CAMTA1: variants seen among roughly 807,000 people sequenced by gnomAD.
CAMTA1 encodes calmodulin-binding transcription activator 1.
CAMTA1 carries 27 observed loss-of-function variants against 170.9 expected under a neutral mutation model. That is an observed-to-expected ratio of 0.16 (90% CI 0.12 to 0.22). CAMTA1 has a LOEUF of 0.22. CAMTA1 is among the 10% of genes least tolerant of loss of function. The pLI, the probability that CAMTA1 is intolerant of heterozygous loss-of-function variation, is 1.00. For missense variants in CAMTA1, 1,619 were observed against 2,217.2 expected, an observed-to-expected ratio of 0.73 and a Z score of 5.42; for synonymous variants, 833 against 891.5, an observed-to-expected ratio of 0.93 and a Z score of 1.17.
At chr1:7,493,144 GCA>G (rs1302361451) in intron 6 of CAMTA1, among the ~76,000 whole-genome samples, 2 of 102,468 alleles carry the variant, frequency 2.0e-5, no homozygotes, top group Non-Finnish European at 3.7e-5. Flanking sequence ...ACAAACGTGA[GCA>G]CACAACACAA....
chr1:7,076,744 A>G (rs2147979566), intron 3 of CAMTA1, among the ~76,000 whole-genome samples: 1 of 152,310 alleles, frequency 6.6e-6, no homozygotes, highest in East Asian at 1.9e-4. Context: ...GTGGCAACAT[A>G]GCAGCGGGTC....
At chr1:7,672,618 C>T (rs2096070244) in intron 10 of CAMTA1, among the ~76,000 whole-genome samples, 1 of 152,076 alleles carries the variant, frequency 6.6e-6, no homozygotes, top group Non-Finnish European at 1.5e-5. Flanking sequence ...GATGGAGTTT[C>T]ACCATGTTGG....
intron 1 of CAMTA1, among the ~76,000 whole-genome samples, chr1:6,796,132 CTTTTTTTTT>C (rs978363793): frequency 4.2e-5 from 3 of 70,948 alleles, no homozygotes; most frequent in African/African-American, 5.9e-5. Flanking sequence ...AATAGCATTT[CTTTTTTTTT>C]TTTTTTTTTT....
chr1:7,736,387 G>T lies in CAMTA1; in HGVS notation c.3110G>T (p.Arg1037Leu), dbSNP rs762417443. Residue 1037 changes from arginine (R) to leucine (L), a missense_variant, in exon 13 of 23, where the codon CGT becomes CTT. Transcript: ENST00000303635. This position sits in a 1 kb window ranked among gnomAD's most constrained non-coding sequence, Gnocchi z 4.5. ...TGALGSCFES[R>L]VVVVCEKMMS... ...GCCTTGGGGAGCTGCTTTGAGAGCC[G>T]TGTGGTCGTGGTATGCGAGAAGATG... The T allele has an allele frequency of 6.2e-7, 1 of 1,614,114 alleles. No individual in the cohort carries two copies. The highest frequency in any genetic ancestry group is 1.7e-5 in the Admixed American group (1 of 60,014).
intron 3 of CAMTA1, among the ~76,000 whole-genome samples, chr1:6,919,586 C>A (rs923588295): frequency 1.2e-4 from 18 of 151,432 alleles, no homozygotes; most frequent in African/African-American, 4.1e-4. Context: ...ATGATGAAGA[C>A]CAGTCAAATT....
rs1347412442 is a variant in CAMTA1 at position 7,300,488 on chromosome 1, C to T, written c.438+50862C>T. ...GGTCAGGAGTTCGAGACCAGCCTGG[C>T]CAACATGGTGAAACCCCGTCTCTAC... On this transcript the variant is annotated intron_variant, in intron 5 of 22. Coordinates refer to ENST00000303635, the MANE Select transcript of CAMTA1 (RefSeq NM_015215.4). This position sits in a 1 kb window ranked among gnomAD's most constrained non-coding sequence, Gnocchi z 4.1. Among the ~76,000 whole-genome samples, 1 of 152,138 alleles carries T rather than the reference C, an allele frequency of 6.6e-6. No homozygotes were observed. The highest frequency in any genetic ancestry group is 6.5e-5 in the Admixed American group (1 of 15,276).
intron 4 of CAMTA1, among the ~76,000 whole-genome samples, chr1:7,180,138 G>A (rs529677312): frequency 1.3e-4 from 20 of 152,092 alleles, no homozygotes; most frequent in African/African-American, 3.6e-4. Flanking sequence ...AGGCTGAGGC[G>A]GGTGGATCAC....
chr1:6,947,982 C>T (rs1440105936), intron 3 of CAMTA1, among the ~76,000 whole-genome samples: 1 of 152,098 alleles, frequency 6.6e-6, no homozygotes, highest in Admixed American at 6.6e-5. Context: ...GACAGTTTTA[C>T]TTTTTCCTTT....
At chr1:7,594,604 T>C (rs918344418) in intron 6 of CAMTA1, among the ~76,000 whole-genome samples, 1 of 152,178 alleles carries the variant, frequency 6.6e-6, no homozygotes, top group African/African-American at 2.4e-5. Flanking sequence ...TGGAAGGCCC[T>C]CTCAGGGTCC....
chr1:7,665,094 C>G lies in CAMTA1; in HGVS notation c.2547C>G (p.Ala849=). Residue 849 remains alanine (A), a synonymous_variant, in exon 9 of 23, where the codon GCC becomes GCG. Transcript: ENST00000303635. This position sits in a 1 kb window ranked among gnomAD's most constrained non-coding sequence, Gnocchi z 4.3. The part of the protein sequence containing the change: ...GASTMAYMHV[A]EVVSAASAQG... Reference sequence around the variant, plus strand: ...GCACCATGGCCTACATGCACGTCGCCGAGGTGGTCTCGGCCGCCTCGGCCC... The same window carrying G: ...GCACCATGGCCTACATGCACGTCGCGGAGGTGGTCTCGGCCGCCTCGGCCC... 1 of 1,543,034 alleles carries G rather than the reference C, an allele frequency of 6.5e-7. No homozygotes were observed. Among genetic ancestry groups the G allele is most frequent in the Non-Finnish European group, 8.7e-7 (1 of 1,145,738 alleles).
At chr1:6,939,745 C>T (rs764290501) in intron 3 of CAMTA1, among the ~76,000 whole-genome samples, 26 of 152,236 alleles carry the variant, frequency 1.7e-4, no homozygotes, top group Non-Finnish European at 3.2e-4. Flanking sequence ...CCCAAGCAAA[C>T]CCCGGTCACC....
chr1:6,884,142 G>A (rs1230158298), intron 3 of CAMTA1, among the ~76,000 whole-genome samples: 1 of 152,046 alleles, frequency 6.6e-6, no homozygotes. Flanking sequence ...GATTGGCCGT[G>A]TAGATCTAAA....
intron 5 of CAMTA1, among the ~76,000 whole-genome samples, chr1:7,457,433 G>T (rs773137926): frequency 2.6e-5 from 4 of 152,064 alleles, no homozygotes; most frequent in Non-Finnish European, 4.4e-5. Context: ...AGGGGAGGTG[G>T]GTGGGGGCAG....
At chr1:6,909,402 A>G (rs1031249325) in intron 3 of CAMTA1, among the ~76,000 whole-genome samples, 2 of 152,254 alleles carry the variant, frequency 1.3e-5, no homozygotes, top group African/African-American at 2.4e-5. Flanking sequence ...TTCTGGCATC[A>G]CGAGGGAGGT....
At chr1:7,436,565 G>A (rs2092354073) in intron 5 of CAMTA1, among the ~76,000 whole-genome samples, 3 of 152,298 alleles carry the variant, frequency 2.0e-5, no homozygotes, top group South Asian at 4.1e-4. Flanking sequence ...GGTGGGAGGA[G>A]CAGGGTGAGG....
At chr1:7,187,372 A>AT (rs1485737108) in intron 4 of CAMTA1, among the ~76,000 whole-genome samples, 6 of 152,186 alleles carry the variant, frequency 3.9e-5, no homozygotes, top group Non-Finnish European at 7.4e-5. Context: ...GCCCAAGCTC[A>AT]TTTTTTAACA....
chr1:7,001,958 G>A (rs1251227821), intron 3 of CAMTA1, among the ~76,000 whole-genome samples: 2 of 147,052 alleles, frequency 1.4e-5, no homozygotes, highest in African/African-American at 2.5e-5. Flanking sequence ...GTGCAATGGC[G>A]CTATCTCAGC....
chr1:6,955,148 T>A (rs1689227377), intron 3 of CAMTA1, among the ~76,000 whole-genome samples: 1 of 134,334 alleles, frequency 7.4e-6, no homozygotes, highest in African/African-American at 2.8e-5. Flanking sequence ...TCATGGCCAG[T>A]GGCTTTGGAT....
rs75428997 is a variant in CAMTA1, at chr1:7,006,870, G to A, written c.235-84434G>A. Among the ~76,000 whole-genome samples the A allele has an allele frequency of 5.0e-3, 763 of 152,178 alleles. 12 individuals carry two copies. The highest frequency in any genetic ancestry group is 0.017 in the African/African-American group (715 of 41,518). On this transcript the variant is annotated intron_variant, in intron 3 of 22. Transcript: ENST00000303635. ...ACATCAACCAGTGGAGACCTTGTAT[G>A]ATTTCTAGAGTTCTTTTTTTCCCGG...
Sources: allele counts gnomAD v4.1 joint callset (sites outside exome capture counted in the v4.1 genomes callset), GRCh38; gene constraint gnomAD v4.1.1; non-coding constraint Gnocchi (gnomAD v3.1); transcripts MANE v1.5; gene names NCBI Gene and HGNC (gene_info 2026-07-23, HGNC 2026-07-21).